Variants in GLYATL2 observed in about 807,000 individuals in gnomAD.
GLYATL2 encodes the protein glycine N-acyltransferase-like protein 2.
A neutral mutation model predicts 21.4 loss-of-function variants in GLYATL2; 25 were observed. The ratio of observed to expected loss-of-function variants is 1.17; its 90% CI spans 0.85 to 1.63. The LOEUF (loss-of-function observed/expected upper bound fraction) is 1.63. Ranked by LOEUF, GLYATL2 falls within the 40% of genes most tolerant of loss-of-function variation. The pLI, the probability that GLYATL2 is intolerant of heterozygous loss-of-function variation, is 0.00. For synonymous variants in GLYATL2, 114 were observed against 118.2 expected, an observed-to-expected ratio of 0.96 and a Z score of 0.23; for missense variants, 361 against 343.3, an observed-to-expected ratio of 1.05 and a Z score of -0.41.
intron 1 of GLYATL2, among the ~76,000 whole-genome samples, chr11:58,849,781 T>C (rs1287358670): frequency 6.6e-6 from 1 of 152,086 alleles, no homozygotes; most frequent in East Asian, 1.9e-4. Flanking sequence ...CACTGGAGCC[T>C]GCTGGTAGGT....
At chr11:58,884,487 T>C (rs1854400671) in intron 1 of GLYATL2, among the ~76,000 whole-genome samples, 1 of 152,138 alleles carries the variant, frequency 6.6e-6, no homozygotes, top group Non-Finnish European at 1.5e-5. Context: ...ATAAAATACC[T>C]AGGAATCCAA....
Position 58,872,209 on chromosome 11 carries a change from G to A in GLYATL2, n.60+31947C>T, listed in dbSNP as rs556095525. On this transcript the variant is annotated intron_variant and non_coding_transcript_variant, in intron 1 of 4. Transcript: ENST00000533636. ...GCCCTTTGTCAGATGAGTAGGTTGC[G>A]AAAATTTTCTCCCATTCTGTAGGTT... is the stretch of plus-strand genomic sequence containing the variant. Among the ~76,000 whole-genome samples, 249 of 152,146 alleles carry A rather than the reference G, an allele frequency of 1.6e-3. 3 individuals carry two copies. In the East Asian group the frequency reaches 0.041, roughly 25 times the overall value.
intron 1 of GLYATL2, among the ~76,000 whole-genome samples, chr11:58,894,207 A>G (rs1037137291): frequency 2.0e-5 from 3 of 152,176 alleles, no homozygotes; most frequent in Non-Finnish European, 4.4e-5. Flanking sequence ...TTAAGGGGTC[A>G]GGGGCATTCC....
Position 58,834,758 on chromosome 11 carries a change from C to A in GLYATL2, c.556G>T (p.Glu186Ter). The A allele has an allele frequency of 6.2e-7, 1 of 1,613,948 alleles. No homozygotes were observed. The highest frequency in any genetic ancestry group is 1.1e-5 in the South Asian group (1 of 91,070). The part of the protein sequence containing the change: ...VNEHWAFGKN[E>*]RSLKYIERCL... ...CGTTCAATATATTTCAAGCTCCTCT[C>A]ATTTTTCCCAAAGGCCCAGTGTTCA... Residue 186 changes from glutamate (E) to a stop codon, truncating the protein, a stop_gained, in exon 6 of 6, where the codon GAG becomes TAG. Coordinates refer to ENST00000287275, the MANE Select transcript of GLYATL2 (RefSeq NM_145016.4). LOFTEE classifies it low-confidence loss of function (END_TRUNC).
intron 1 of GLYATL2, among the ~76,000 whole-genome samples, chr11:58,842,413 G>T (rs964508138): frequency 6.6e-6 from 1 of 151,802 alleles, no homozygotes; most frequent in Non-Finnish European, 1.5e-5. Context: ...TGTGCAGTTT[G>T]CCTGTTCTCC....
chr11:58,863,888 G>T (rs534999503), intron 1 of GLYATL2, among the ~76,000 whole-genome samples: 4 of 152,344 alleles, frequency 2.6e-5, no homozygotes, highest in South Asian at 4.1e-4. Context: ...CCCTGGGTCT[G>T]CTGGAGGATG....
intron 1 of GLYATL2, among the ~76,000 whole-genome samples, chr11:58,883,889 C>T (rs1854389197): frequency 6.6e-6 from 1 of 152,116 alleles, no homozygotes; most frequent in South Asian, 2.1e-4. Context: ...GGGCTTCATC[C>T]CTGGGATGCA....
chr11:58,839,686 G>C (rs1443372000), intron 1 of GLYATL2, 34 bp from the exon 2 acceptor site: 1 of 1,026,756 alleles, frequency 9.7e-7, no homozygotes, highest in Non-Finnish European at 1.5e-6. Context: ...AAAATACCTA[G>C]AGAGATATGA....
chr11:58,874,122 G>A (rs1234531207), intron 1 of GLYATL2, among the ~76,000 whole-genome samples: 11 of 151,942 alleles, frequency 7.2e-5, no homozygotes, highest in African/African-American at 1.9e-4. Context: ...CTGTGGGATC[G>A]GTGGTGATAT....
chr11:58,843,596 C>T (rs967602055), intron 1 of GLYATL2, among the ~76,000 whole-genome samples: 2 of 152,024 alleles, frequency 1.3e-5, no homozygotes, highest in Admixed American at 6.6e-5. Flanking sequence ...AACTTACAAA[C>T]TGTAGCATCC....
intron 1 of GLYATL2, among the ~76,000 whole-genome samples, chr11:58,899,968 G>A (rs1854707140): frequency 6.6e-6 from 1 of 151,400 alleles, no homozygotes; most frequent in African/African-American, 2.4e-5. Flanking sequence ...TATTTTCAGA[G>A]TCCATCGAAT....
intron 1 of GLYATL2, among the ~76,000 whole-genome samples, chr11:58,859,162 T>G (rs1422949458): frequency 6.6e-6 from 1 of 152,150 alleles, no homozygotes; most frequent in Non-Finnish European, 1.5e-5. Context: ...AGATGTTCCC[T>G]ATTTCCTAGT....
At chr11:58,850,675 A>G (rs1287298844) in intron 1 of GLYATL2, among the ~76,000 whole-genome samples, 1 of 152,062 alleles carries the variant, frequency 6.6e-6, no homozygotes, top group East Asian at 1.9e-4. Flanking sequence ...CCCATTACCA[A>G]GTGGACATGG....
intron 1 of GLYATL2, among the ~76,000 whole-genome samples, chr11:58,874,983 T>G (rs1457731083): frequency 6.6e-6 from 1 of 152,230 alleles, no homozygotes; most frequent in Non-Finnish European, 1.5e-5. Context: ...CTATATTGGG[T>G]GCATATATAT....
At chr11:58,896,886 T>C (rs908385976) in intron 1 of GLYATL2, among the ~76,000 whole-genome samples, 2 of 152,206 alleles carry the variant, frequency 1.3e-5, no homozygotes, top group Non-Finnish European at 2.9e-5. Flanking sequence ...CACACCTTGA[T>C]CCCCTCTCCA....
intron 1 of GLYATL2, among the ~76,000 whole-genome samples, chr11:58,859,395 T>C (rs1414135408): frequency 2.0e-5 from 3 of 151,936 alleles, no homozygotes; most frequent in Non-Finnish European, 4.4e-5. Context: ...TATTATAAAC[T>C]AGCAAAAAGA....
Position 58,839,643 on chromosome 11 carries a change from A to G in GLYATL2, c.-31T>C, listed in dbSNP as rs1425038431. The G allele has an allele frequency of 5.2e-6, 8 of 1,530,364 alleles. No homozygotes were observed. Among genetic ancestry groups the G allele is most frequent in the Non-Finnish European group, 7.2e-6 (8 of 1,111,766 alleles). The allele number at this position is 1,530,364 out of a possible 1,614,324, so 94.8% of individuals were successfully genotyped here. ...GTAGCACTTCAGCTTCTTTCCCTCA[A>G]GAAGATGATCTAAGGAAATAAACAC... On this transcript the variant is annotated 5_prime_UTR_variant, in exon 2 of 6. Transcript: ENST00000287275.
chr11:58,848,124 A>G (rs1853676410), upstream of GLYATL2, among the ~76,000 whole-genome samples: 1 of 151,896 alleles, frequency 6.6e-6, no homozygotes, highest in Admixed American at 6.6e-5. Flanking sequence ...TGAGTCTTCA[A>G]AAACCACAGT....
chr11:58,891,521 C>A (rs983712078), intron 1 of GLYATL2, among the ~76,000 whole-genome samples: 1 of 152,114 alleles, frequency 6.6e-6, no homozygotes, highest in African/African-American at 2.4e-5. Flanking sequence ...AAGTATCTTG[C>A]CCAAGCCCTG....
Sources: allele counts gnomAD v4.1 joint callset (sites outside exome capture counted in the v4.1 genomes callset), GRCh38; gene constraint gnomAD v4.1.1; transcripts MANE v1.5; gene names NCBI Gene and HGNC (gene_info 2026-07-23, HGNC 2026-07-21).